SEPTIN9: variants seen among roughly 807,000 people sequenced by gnomAD.
SEPTIN9 encodes the protein septin 9.
A neutral mutation model predicts 56.6 loss-of-function variants in SEPTIN9; 13 were observed. The observed-to-expected ratio is 0.23, with a 90% CI of 0.15 to 0.37. The LOEUF (loss-of-function observed/expected upper bound fraction) is 0.37, where lower values mean the gene tolerates loss of function less well. Ranked by LOEUF, SEPTIN9 falls within the 10% of genes least tolerant of loss-of-function variation. The pLI is 1.00. For missense variants in SEPTIN9, 650 were observed against 823.1 expected, an observed-to-expected ratio of 0.79 and a Z score of 2.57; for synonymous variants, 332 against 334.1, an observed-to-expected ratio of 0.99 and a Z score of 0.07.
rs35634675 is a variant in SEPTIN9 at position 77,453,605 on chromosome 17, C to CAAA, written c.722-28524_722-28522dup. Among the ~76,000 whole-genome samples the CAAA allele has an allele frequency of 1.2e-5, 1 of 81,168 alleles. No homozygotes were observed. The highest frequency in any genetic ancestry group is 4.2e-5 in the African/African-American group (1 of 23,554). The allele number at this position is 81,168 out of a possible 152,430, so 53.2% of individuals were successfully genotyped here. ...GGGCAACAAGAGTGAAACTCTGTCT[C>CAAA]AAAAAAAAAAAAAAAAAGCCTTATC... On this transcript the variant is annotated intron_variant, in intron 3 of 11. Coordinates refer to ENST00000427177, the MANE Select transcript of SEPTIN9 (RefSeq NM_001113491.2). The surrounding 1 kb of genome is among the most constrained non-coding windows in gnomAD (Gnocchi z 4.4).
At chr17:77,388,350 C>T (rs760594305) in intron 2 of SEPTIN9, among the ~76,000 whole-genome samples, 22 of 152,202 alleles carry the variant, frequency 1.4e-4, no homozygotes, top group Admixed American at 2.6e-4. Context: ...CGTCCAGTTG[C>T]GGCCCCTCCT....
intron 1 of SEPTIN9, among the ~76,000 whole-genome samples, chr17:77,285,623 T>C (rs2031241669): frequency 6.6e-6 from 1 of 152,096 alleles, no homozygotes; most frequent in South Asian, 2.1e-4. Flanking sequence ...GGTCTCGAAC[T>C]CCGGACCTCA....
intron 2 of SEPTIN9, among the ~76,000 whole-genome samples, chr17:77,316,550 G>T (rs1223552366): frequency 6.6e-6 from 1 of 152,172 alleles, no homozygotes; most frequent in Non-Finnish European, 1.5e-5. Flanking sequence ...AATGAACTCA[G>T]TCATAGCCCG....
chr17:77,355,564 T>A (rs2034202569), intron 2 of SEPTIN9, among the ~76,000 whole-genome samples: 1 of 152,140 alleles, frequency 6.6e-6, no homozygotes, highest in African/African-American at 2.4e-5. Context: ...GTGGGCTGAA[T>A]GTGCATCAGA....
chr17:77,488,617 C>G, intron 6 of SEPTIN9, 110 bp from the exon 7 acceptor site: 1 of 1,447,504 alleles, frequency 6.9e-7, no homozygotes, highest in Admixed American at 1.7e-5. Context: ...CCTCCCAGGG[C>G]ATGCATTTCA....
chr17:77,396,223 CTG>C (rs1367396750), intron 2 of SEPTIN9, among the ~76,000 whole-genome samples: 5 of 152,334 alleles, frequency 3.3e-5, no homozygotes, highest in Admixed American at 6.5e-5. Context: ...CTTTCTGACA[CTG>C]TGCACGGTCC....
Position 77,450,843 on chromosome 17 carries a change from T to G in SEPTIN9, c.722-31301T>G. 1 of 979,024 alleles carries G rather than the reference T, an allele frequency of 1.0e-6. No homozygotes were observed. The highest frequency in any genetic ancestry group is 1.2e-6 in the Non-Finnish European group (1 of 824,200). 60.6% of individuals were successfully genotyped at this position (979,024 alleles called of 1,614,324 possible). A position where few individuals can be genotyped will look rare whatever the true frequency, so the allele number is the denominator to read the frequency against. ...CTCCTGCTCCTTCTCCCTTCCATGG[T>G]CCCAGCCAGCAAGCACCTGGGGTAG... On this transcript the variant is annotated intron_variant, in intron 3 of 11. Coordinates refer to ENST00000427177, the MANE Select transcript of SEPTIN9 (RefSeq NM_001113491.2). This position sits in a 1 kb window ranked among gnomAD's most constrained non-coding sequence, Gnocchi z 6.0.
chr17:77,295,335 G>A (rs916031683), intron 1 of SEPTIN9, among the ~76,000 whole-genome samples: 4 of 152,176 alleles, frequency 2.6e-5, no homozygotes, highest in Non-Finnish European at 5.9e-5. Context: ...AGGTGGGGAT[G>A]AGAGGGAGGA....
intron 3 of SEPTIN9, among the ~76,000 whole-genome samples, chr17:77,443,723 G>C (rs1307830759): frequency 6.6e-6 from 1 of 152,020 alleles, no homozygotes; most frequent in African/African-American, 2.4e-5. Context: ...CTTAAAACCT[G>C]GGAGGTGGAG....
intron 3 of SEPTIN9, among the ~76,000 whole-genome samples, chr17:77,480,766 C>T (rs936754149): frequency 1.3e-5 from 2 of 152,296 alleles, no homozygotes; most frequent in Middle Eastern, 3.4e-3. Flanking sequence ...TGCCTGGGAG[C>T]GTGCCGTGTG....
At chr17:77,305,972 T>C (rs2143588843) in intron 1 of SEPTIN9, among the ~76,000 whole-genome samples, 1 of 60,876 alleles carries the variant, frequency 1.6e-5, no homozygotes, top group African/African-American at 6.7e-5. Context: ...GATGGGTGGA[T>C]TAGGTGGACA....
Position 77,436,470 on chromosome 17 carries a change from A to ACGGGGG in SEPTIN9, c.721+33773_721+33778dup, listed in dbSNP as rs2037341128. 1.3e-5 allele frequency among the ~76,000 whole-genome samples: 2 copies of ACGGGGG among 151,364 alleles called. No individual in the cohort carries two copies. Among genetic ancestry groups the ACGGGGG allele is most frequent in the Non-Finnish European group, 2.9e-5 (2 of 67,874 alleles). ...GCCTCACTTTCTCCCCGCAGATGGGACGGGGGCGGGGCTGGAGCCAGCGGG... is the reference window on the plus strand; with the variant it reads ...GCCTCACTTTCTCCCCGCAGATGGGACGGGGGCGGGGGCGGGGCTGGAGCCAGCGGG... On this transcript the variant is annotated intron_variant, in intron 3 of 11. Coordinates refer to ENST00000427177, the MANE Select transcript of SEPTIN9 (RefSeq NM_001113491.2). The surrounding 1 kb of genome is among the most constrained non-coding windows in gnomAD (Gnocchi z 4.4).
chr17:77,452,490 G>A (rs2038021805), intron 3 of SEPTIN9, among the ~76,000 whole-genome samples: 1 of 152,208 alleles, frequency 6.6e-6, no homozygotes, highest in Non-Finnish European at 1.5e-5. Flanking sequence ...TTTGGTCAGA[G>A]GTTTGGGGAA....
At chr17:77,383,162 C>T (rs1374717158) in intron 2 of SEPTIN9, among the ~76,000 whole-genome samples, 1 of 119,034 alleles carries the variant, frequency 8.4e-6, no homozygotes, top group Non-Finnish European at 1.8e-5. Context: ...CTTTCCCTCC[C>T]TCTTTCTCTC....
chr17:77,312,485 G>T (rs758673983), intron 2 of SEPTIN9, among the ~76,000 whole-genome samples: 10 of 99,512 alleles, frequency 1.0e-4, no homozygotes, highest in Non-Finnish European at 1.6e-4. Flanking sequence ...CCATGCTCCT[G>T]GACCTCCTAG....
At chr17:77,365,378 CCTGT>C (rs1158333224) in intron 2 of SEPTIN9, among the ~76,000 whole-genome samples, 1 of 152,016 alleles carries the variant, frequency 6.6e-6, no homozygotes, top group African/African-American at 2.4e-5. Flanking sequence ...TTCTTTCCTT[CCTGT>C]CTTATTCTTT....
chr17:77,486,517 T>TGC (rs1786727219), intron 4 of SEPTIN9, among the ~76,000 whole-genome samples: 2 of 92,312 alleles, frequency 2.2e-5, no homozygotes, highest in South Asian at 3.0e-4. Flanking sequence ...TGTGTGTGTG[T>TGC]GTGTGCGCGC....
intron 2 of SEPTIN9, among the ~76,000 whole-genome samples, chr17:77,381,339 C>T (rs1415877626): frequency 1.3e-5 from 2 of 152,240 alleles, no homozygotes; most frequent in African/African-American, 4.8e-5. Flanking sequence ...GGCTCTGCTC[C>T]TGCCAGGTCA....
chr17:77,457,502 G>A (rs2038263376), intron 3 of SEPTIN9, among the ~76,000 whole-genome samples: 1 of 152,204 alleles, frequency 6.6e-6, no homozygotes, highest in Non-Finnish European at 1.5e-5. Flanking sequence ...TTTATGCGCT[G>A]GGCCTTGGCA....
Sources: allele counts gnomAD v4.1 joint callset (sites outside exome capture counted in the v4.1 genomes callset), GRCh38; gene constraint gnomAD v4.1.1; non-coding constraint Gnocchi (gnomAD v3.1); transcripts MANE v1.5; gene names NCBI Gene and HGNC (gene_info 2026-07-23, HGNC 2026-07-21).